UQCC1: variants seen among roughly 807,000 people sequenced by gnomAD.
UQCC1 encodes ubiquinol-cytochrome c reductase complex assembly factor 1, also known as bFGF-repressed Zic-binding protein.
A neutral mutation model predicts 48.0 loss-of-function variants in UQCC1; 38 were observed. That is an observed-to-expected ratio of 0.79 (90% confidence interval 0.61 to 1.04). The LOEUF (loss-of-function observed/expected upper bound fraction) is 1.04. UQCC1 is among the 50% of genes least tolerant of loss of function. The pLI is 0.00. For synonymous variants in UQCC1, 111 were observed against 129.2 expected (o/e 0.86, Z 0.95); for missense variants, 368 against 381.8 (o/e 0.96, Z 0.30).
chr20:35,402,904 A>G (rs1387813408), intron 1 of UQCC1, among the ~76,000 whole-genome samples: 3 of 151,582 alleles, frequency 2.0e-5, no homozygotes, highest in African/African-American at 4.8e-5. Context: ...CATCTCTACT[A>G]AAATACAAAA....
In UQCC1 at chr20:35,396,284, CTTTTTTTTTT is replaced by C. The variant is rs34830667; in HGVS notation, c.25-2098_25-2089del. 5.2e-3 allele frequency among the ~76,000 whole-genome samples: 489 copies of C among 94,414 alleles called. 3 individuals carry two copies. The highest frequency in any genetic ancestry group is 0.019 in the African/African-American group (475 of 25,488). The allele number at this position is 94,414 out of a possible 152,430, so 61.9% of individuals were successfully genotyped here. On this transcript the variant is annotated intron_variant, in intron 1 of 9. Coordinates refer to ENST00000374385, the MANE Select transcript of UQCC1 (RefSeq NM_018244.5). ...ACAGATGTGAGCCACTGTGCCTGGC[CTTTTTTTTTT>C]TTTTTTTTTTTTTAAGAGACAGGGT...
chr20:35,408,273 T>G (rs956521493), intron 1 of UQCC1, among the ~76,000 whole-genome samples: 2 of 149,828 alleles, frequency 1.3e-5, no homozygotes, highest in African/African-American at 4.9e-5. Flanking sequence ...TACTAAAAAT[T>G]TAAAAACTAG....
chr20:35,303,818 C>T lies in UQCC1; in HGVS notation c.*117G>A. On this transcript the variant is annotated 3_prime_UTR_variant, in exon 10 of 10. Transcript: ENST00000374385. ...AACACAAATGGGGCCAGGTATTTGACAGATGCTGTTCAGAGGTCAGTTCAG... is the reference window on the plus strand; with the variant it reads ...AACACAAATGGGGCCAGGTATTTGATAGATGCTGTTCAGAGGTCAGTTCAG... The T allele has an allele frequency of 1.4e-6, 2 of 1,386,996 alleles. No individual in the cohort carries two copies. The highest frequency in any genetic ancestry group is 1.0e-6 in the Non-Finnish European group (1 of 993,684). 85.9% of individuals were successfully genotyped at this position (1,386,996 alleles called of 1,614,324 possible). A position where few individuals can be genotyped will look rare whatever the true frequency, so the allele number is the denominator to read the frequency against.
At chr20:35,322,778 G>A (rs17323916) in intron 7 of UQCC1, among the ~76,000 whole-genome samples, 39,349 of 152,004 alleles carry the variant, frequency 0.26, 5,525 homozygotes, top group Middle Eastern at 0.36. Context: ...GTCACTTGTA[G>A]TCAAATCACA....
At chr20:35,381,654 G>T (rs2061870258) in intron 4 of UQCC1, among the ~76,000 whole-genome samples, 7 of 152,168 alleles carry the variant, frequency 4.6e-5, no homozygotes, top group Admixed American at 3.9e-4. Flanking sequence ...TATTGGAGAA[G>T]GTCATCCTCT....
At chr20:35,357,364 T>C (rs1214124617) in intron 6 of UQCC1, among the ~76,000 whole-genome samples, 1 of 151,838 alleles carries the variant, frequency 6.6e-6, no homozygotes, top group East Asian at 1.9e-4. Flanking sequence ...CTACTAAAAA[T>C]GCAAAATTAG....
chr20:35,338,048 C>T (rs2061333107), intron 7 of UQCC1, among the ~76,000 whole-genome samples: 1 of 151,886 alleles, frequency 6.6e-6, no homozygotes, highest in Non-Finnish European at 1.5e-5. Flanking sequence ...AACACACAAC[C>T]AAGGAGTCTC....
intron 2 of UQCC1, among the ~76,000 whole-genome samples, chr20:35,385,953 A>G (rs1356673984): frequency 1.3e-5 from 2 of 151,746 alleles, no homozygotes; most frequent in African/African-American, 4.8e-5. Flanking sequence ...CCCGCCATCA[A>G]CATCCCATAC....
At chr20:35,334,986 T>C (rs2061299906) in intron 7 of UQCC1, among the ~76,000 whole-genome samples, 1 of 152,196 alleles carries the variant, frequency 6.6e-6, no homozygotes, top group Admixed American at 6.5e-5. Flanking sequence ...CTCGTTCCAT[T>C]ATGCCACACT....
At chr20:35,399,448 A>AG (rs1436961640) in intron 1 of UQCC1, among the ~76,000 whole-genome samples, 2 of 152,154 alleles carry the variant, frequency 1.3e-5, no homozygotes, top group Non-Finnish European at 2.9e-5. Context: ...CACCTGACTC[A>AG]GATTCTCTGG....
chr20:35,355,350 T>C (rs1423587589), intron 6 of UQCC1, among the ~76,000 whole-genome samples: 2 of 152,240 alleles, frequency 1.3e-5, no homozygotes, highest in African/African-American at 2.4e-5. Context: ...TGAGTTCTAC[T>C]GGGAAAATAA....
chr20:35,396,379 A>T (rs189800342), intron 1 of UQCC1, among the ~76,000 whole-genome samples: 1 of 146,480 alleles, frequency 6.8e-6, no homozygotes, highest in African/African-American at 2.5e-5. Flanking sequence ...ATTGCACACT[A>T]CAGCCTCAAA....
intron 5 of UQCC1, among the ~76,000 whole-genome samples, chr20:35,372,304 G>C (rs1304131176): frequency 6.8e-6 from 1 of 147,608 alleles, no homozygotes; most frequent in Non-Finnish European, 1.5e-5. Flanking sequence ...TTGAGATTCT[G>C]TCTCAAAAAA....
At chr20:35,394,045 A>G (rs778702540) in intron 2 of UQCC1, 47 bp downstream of exon 2, 2 of 1,563,140 alleles carry the variant, frequency 1.3e-6, no homozygotes, top group East Asian at 4.5e-5. Context: ...ACATTTGCAC[A>G]TAAACACTAA....
intron 7 of UQCC1, among the ~76,000 whole-genome samples, chr20:35,330,608 C>A (rs1020349426): frequency 6.6e-6 from 1 of 152,178 alleles, no homozygotes; most frequent in Non-Finnish European, 1.5e-5. Flanking sequence ...ACCCCTAGTA[C>A]GTTATGAACC....
intron 7 of UQCC1, among the ~76,000 whole-genome samples, chr20:35,338,686 A>G (rs952059301): frequency 5.3e-5 from 8 of 150,378 alleles, no homozygotes; most frequent in African/African-American, 2.0e-4. Context: ...TCTCTACTAA[A>G]TGTAAAAAAT....
At chr20:35,380,793 C>T (rs2061856994) in intron 4 of UQCC1, among the ~76,000 whole-genome samples, 1 of 152,134 alleles carries the variant, frequency 6.6e-6, no homozygotes, top group East Asian at 1.9e-4. Flanking sequence ...TTGAGTATTC[C>T]TTATCTGAAA....
At chr20:35,356,885 G>C (rs2061552247) in intron 6 of UQCC1, among the ~76,000 whole-genome samples, 1 of 152,130 alleles carries the variant, frequency 6.6e-6, no homozygotes, top group Non-Finnish European at 1.5e-5. Context: ...CTGGAGGCAA[G>C]CATACCTATA....
chr20:35,400,294 T>C (rs1289033526), intron 1 of UQCC1, among the ~76,000 whole-genome samples: 2 of 152,056 alleles, frequency 1.3e-5, no homozygotes, highest in African/African-American at 2.4e-5. Flanking sequence ...TGGAAGTACT[T>C]ATCTCTCTCT....
Sources: allele counts gnomAD v4.1 joint callset (sites outside exome capture counted in the v4.1 genomes callset), GRCh38; gene constraint gnomAD v4.1.1; transcripts MANE v1.5; gene names NCBI Gene and HGNC (gene_info 2026-07-23, HGNC 2026-07-21).